The following PTCH1 variants were observed in gnomAD, a reference collection of about 807,000 sequenced individuals.
The protein encoded by PTCH1 is patched 1.
A neutral mutation model predicts 144.6 loss-of-function variants in PTCH1; 14 were observed. The observed-to-expected ratio is 0.10, with a 90% confidence interval of 0.06 to 0.15. The LOEUF (loss-of-function observed/expected upper bound fraction) is 0.15. PTCH1 is among the 10% of genes least tolerant of loss of function. The pLI is 1.00. For synonymous variants in PTCH1, 833 were observed against 793.6 expected, an observed-to-expected ratio of 1.05 and a Z score of -0.83; for missense variants, 1,623 against 1,948.3, an observed-to-expected ratio of 0.83 and a Z score of 3.14.
chr9:95,462,501 T>G (rs1274696081), intron 15 of PTCH1, among the ~76,000 whole-genome samples: 1 of 152,148 alleles, frequency 6.6e-6, no homozygotes, highest in East Asian at 1.9e-4. Context: ...GTCAATTTGT[T>G]CCATCTGTTC....
intron 9 of PTCH1, 28 bp downstream of exon 9, chr9:95,478,027 C>T (rs1457174263): frequency 1.9e-6 from 3 of 1,614,070 alleles, no homozygotes; most frequent in South Asian, 1.1e-5. Context: ...CAAACTCCAG[C>T]CCCCAGGAGC....
At chr9:95,475,658 G>A (rs992663048) in intron 12 of PTCH1, among the ~76,000 whole-genome samples, 16 of 152,142 alleles carry the variant, frequency 1.1e-4, no homozygotes, top group African/African-American at 3.6e-4. Context: ...GGGGGTAAGT[G>A]CAGGTACTGG....
intron 15 of PTCH1, among the ~76,000 whole-genome samples, chr9:95,464,223 C>A (rs1011551033): frequency 5.3e-5 from 8 of 152,192 alleles, no homozygotes; most frequent in African/African-American, 1.7e-4. Context: ...TCTGACTAAT[C>A]ACCAAAAAGC....
chr9:95,447,351 G>A lies in PTCH1; in HGVS notation c.3905C>T (p.Pro1302Leu), dbSNP rs780042369. ...SLPPGRQGQQ[P>L]RRDPPREGLW... is the part of the protein sequence containing the mutation. Reference sequence around the variant, plus strand: ...GCCTTCTCTGGGGGGGTCCCTGCGGGGCTGCTGGCCTTGCCGTCCGGGAGG... The same window carrying A: ...GCCTTCTCTGGGGGGGTCCCTGCGGAGCTGCTGGCCTTGCCGTCCGGGAGG... The change falls in exon 23 of 24, where the codon CCC becomes CTC. Residue 1302 changes from proline to leucine, a missense_variant. Transcript: ENST00000331920. The A allele has an allele frequency of 1.2e-5, 19 of 1,613,438 alleles. No homozygotes were observed. In the South Asian group the frequency reaches 1.9e-4, roughly 16 times the overall value.
chr9:95,492,372 C>T (rs913766282), intron 2 of PTCH1, among the ~76,000 whole-genome samples: 9 of 152,062 alleles, frequency 5.9e-5, no homozygotes, highest in Non-Finnish European at 1.5e-5. Context: ...GATTGCTTAT[C>T]GGCAGCATAT....
At chr9:95,510,460 G>A (rs928582132), upstream of PTCH1, among the ~76,000 whole-genome samples, 8 of 152,012 alleles carry the variant, frequency 5.3e-5, no homozygotes, top group Admixed American at 5.2e-4. Flanking sequence ...GACCCTTTGA[G>A]GTGGATTCTG....
intron 20 of PTCH1, chr9:95,453,239 T>C: frequency 4.0e-6 from 2 of 504,328 alleles, no homozygotes; most frequent in Non-Finnish European, 3.6e-6. Context: ...TTCGAGCAAT[T>C]CTCTGCCTCA....
intron 2 of PTCH1, among the ~76,000 whole-genome samples, chr9:95,504,729 C>T (rs762028870): frequency 3.3e-5 from 5 of 152,194 alleles, no homozygotes; most frequent in Non-Finnish European, 7.3e-5. Context: ...TGCCCTCCTT[C>T]CCCTACCGTC....
At chr9:95,468,261 T>C (rs1281210173) in intron 14 of PTCH1, among the ~76,000 whole-genome samples, 1 of 152,320 alleles carries the variant, frequency 6.6e-6, no homozygotes, top group East Asian at 1.9e-4. Flanking sequence ...TTCATCATGT[T>C]GCCTGGGCTG....
chr9:95,509,601 ACACGCGCGCG>A (rs1192037028), upstream of PTCH1, among the ~76,000 whole-genome samples: 1 of 152,226 alleles, frequency 6.6e-6, no homozygotes, highest in East Asian at 1.9e-4. Context: ...TTGCGCGCAC[ACACGCGCGCG>A]CACGCACACA....
chr9:95,467,376 C>T lies in PTCH1; in HGVS notation c.2300G>A (p.Gly767Asp), dbSNP rs2117972991. ...FLGLLGVSLYGTTRVRDGLDL... is the reference protein window; with the variant it reads ...FLGLLGVSLYDTTRVRDGLDL... ...CAGCCCGTCTCTCACTCGGGTGGTG[C>T]CATAAAGGCTGACCCCCAGCAAGCC... Residue 767 changes from glycine (G) to aspartate (D), a missense_variant, in exon 15 of 24, where the codon GGC becomes GAC. Transcript: ENST00000331920. The T allele has an allele frequency of 6.2e-7, 1 of 1,614,168 alleles. No homozygotes were observed. Among genetic ancestry groups the T allele is most frequent in the South Asian group, 1.1e-5 (1 of 91,084 alleles).
At chr9:95,461,093 C>T (rs904357030) in intron 16 of PTCH1, among the ~76,000 whole-genome samples, 1 of 152,066 alleles carries the variant, frequency 6.6e-6, no homozygotes, top group African/African-American at 2.4e-5. Flanking sequence ...GAAGAGGCTC[C>T]GAGGAAGCTG....
rs1389551210 is a variant in PTCH1, at chr9:95,477,723, G to A, written c.1348-21C>T. ...GCGAGCTGCAAGCAGAACAATGGGG[G>A]CACAGAACAAAAGCCGAACATTAGA... On this transcript the variant is annotated intron_variant, in intron 9 of 23. Transcript: ENST00000331920. The A allele has an allele frequency of 3.7e-6, 6 of 1,613,694 alleles. No homozygotes were observed. The highest frequency in any genetic ancestry group is 1.7e-5 in the Admixed American group (1 of 59,938).
Position 95,463,794 on chromosome 9 carries a change from G to C in PTCH1, c.2561-1796C>G, listed in dbSNP as rs948543369. ...AGGGGAGACTGGAGGGGGCCACCCA[G>C]CAGGTGAGTGTTGGATGGAGCTCAA... On this transcript the variant is annotated intron_variant, in intron 15 of 23. Transcript: ENST00000331920. Among the ~76,000 whole-genome samples, 7 of 152,312 alleles carry C rather than the reference G, an allele frequency of 4.6e-5. No homozygotes were observed. The East Asian group carries it at 1.4e-3, about 29-fold the overall frequency.
At chr9:95,482,081 G>A (rs2118469291) in intron 4 of PTCH1, 41 bp from the exon 5 acceptor site, 1 of 1,609,844 alleles carries the variant, frequency 6.2e-7, no homozygotes, top group Non-Finnish European at 8.5e-7. Flanking sequence ...TTAGGTTAAG[G>A]CACACTACTG....
chr9:95,468,688 T>C, intron 14 of PTCH1, 63 bp downstream of exon 14: 1 of 1,589,320 alleles, frequency 6.3e-7, no homozygotes, highest in Non-Finnish European at 8.6e-7. Flanking sequence ...AGCAATCTGA[T>C]GAACTCCAAA....
chr9:95,477,779 C>T, intron 9 of PTCH1, 77 bp from the exon 10 acceptor site: 1 of 1,568,220 alleles, frequency 6.4e-7, no homozygotes. Context: ...TTCCCTCCAC[C>T]CATCACCCCA....
At position 95,480,516 on chromosome 9, in the gene PTCH1, A is replaced by G. The variant is rs1060504534; in HGVS notation, c.819T>C (p.Tyr273=). The G allele has an allele frequency of 3.1e-6, 5 of 1,613,128 alleles. No homozygotes were observed. In the Admixed American group the frequency reaches 8.4e-5, roughly 27 times the overall value. ...GCATTTCCTCCCAGCTGTCCACTTG[A>G]TAGTTTATTTTCTTTAACTCTTCCA... ...EFLEELKKIN[Y]QVDSWEEMLN... is the part of the protein sequence containing the mutation. The change falls in exon 6 of 24, where the codon TAT becomes TAC. Residue 273 remains tyrosine (Y), a synonymous_variant. Coordinates refer to ENST00000331920, the MANE Select transcript of PTCH1 (RefSeq NM_000264.5).
chr9:95,471,905 C>T (rs759902761), intron 12 of PTCH1, among the ~76,000 whole-genome samples: 7 of 152,134 alleles, frequency 4.6e-5, no homozygotes, highest in African/African-American at 9.7e-5. Context: ...GGCGTGGTGG[C>T]GCATGCCTGT....
Sources: allele counts gnomAD v4.1 joint callset (sites outside exome capture counted in the v4.1 genomes callset), GRCh38; gene constraint gnomAD v4.1.1; transcripts MANE v1.5; gene names NCBI Gene and HGNC (gene_info 2026-07-23, HGNC 2026-07-21).